HMGB3: variants seen among roughly 807,000 people sequenced by gnomAD.
HMGB3 encodes high mobility group protein B3.
In HMGB3, 1 loss-of-function variant was observed where a neutral mutation model predicts 12.9. The observed-to-expected ratio is 0.08, with a 90% CI of 0.03 to 0.37. The LOEUF (loss-of-function observed/expected upper bound fraction) is 0.37, where lower values mean the gene tolerates loss of function less well. Among genes scored for constraint, HMGB3 ranks in the 10% least tolerant of loss-of-function variants. The pLI is 0.99. For missense variants in HMGB3, 74 were observed against 153.3 expected (o/e 0.48, Z 2.73); for synonymous variants, 61 against 53.9 (o/e 1.13, Z -0.57).
Position 150,983,370 on chromosome X carries a change from A to G in HMGB3, c.-12A>G, listed in dbSNP as rs2048006080. The G allele has an allele frequency of 1.3e-5, 10 of 757,041 alleles. No individual in the cohort carries two copies. Among genetic ancestry groups the G allele is most frequent in the South Asian group, 6.4e-5 (1 of 15,595 alleles). The allele number at this position is 757,041 out of a possible 1,213,427, so 62.4% of individuals were successfully genotyped here. On this transcript the variant is annotated 5_prime_UTR_variant, in exon 1 of 5. Coordinates refer to ENST00000325307, the MANE Select transcript of HMGB3 (RefSeq NM_005342.4). ...CCCTGCGCTGCCCAGACTAGCGAAC[A>G]ATACAGGTACGTCTCGCACCGCCCG...
chrX:150,980,815 T>A (rs1389681180), upstream of HMGB3, among the ~76,000 whole-genome samples: 1 of 112,553 alleles, frequency 8.9e-6, no homozygotes, highest in Non-Finnish European at 1.9e-5. Context: ...TGCCCATACG[T>A]GAGTACGTGT....
chrX:150,986,012 C>A, intron 2 of HMGB3, 39 bp from the exon 3 acceptor site: 1 of 1,186,447 alleles, frequency 8.4e-7, no homozygotes, highest in South Asian at 1.9e-5. Context: ...GGTATGTGTT[C>A]ACTGCATCGA....
intron 1 of HMGB3, chrX:150,984,680 T>A: frequency 4.4e-6 from 2 of 454,851 alleles, no homozygotes; most frequent in Non-Finnish European, 5.5e-6. Context: ...GGCTGCCTGC[T>A]GCCGGCCGGG....
rs1345393358 is a variant in HMGB3, at chrX:150,986,810, AT to A, written c.291-310del. ...AGACATGCACCACCATGCCCGGCTAATTTTTTTTATATTTTTAGTAGAGACG... is the reference window on the plus strand; with the variant it reads ...AGACATGCACCACCATGCCCGGCTAATTTTTTTATATTTTTAGTAGAGACG... On this transcript the variant is annotated intron_variant, in intron 3 of 4. Transcript: ENST00000325307. Among the ~76,000 whole-genome samples the A allele has an allele frequency of 5.4e-5, 6 of 110,140 alleles. No homozygotes were observed. The South Asian group carries it at 2.3e-3, about 43-fold the overall frequency.
chrX:150,984,523 ACCGCCACCGCCG>A lies in HMGB3; in HGVS notation c.-5-1066_-5-1055del, dbSNP rs1263866234. The A allele has an allele frequency of 1.9e-5, 9 of 484,556 alleles. No individual in the cohort carries two copies. In the East Asian group the frequency reaches 1.6e-3, roughly 87 times the overall value. 39.9% of individuals were successfully genotyped at this position (484,556 alleles called of 1,213,427 possible). ...CGGCCCGGCCGCACACCCCCCGCGC[ACCGCCACCGCCG>A]CCGCCCCCGGCCCCGCGCGTCCCCC... On this transcript the variant is annotated intron_variant, in intron 1 of 4. Coordinates refer to ENST00000325307, the MANE Select transcript of HMGB3 (RefSeq NM_005342.4).
At chrX:150,983,448 CGCCGCA>C (rs2048010553) in intron 1 of HMGB3, 72 bp downstream of exon 1, 4 of 372,725 alleles carry the variant, frequency 1.1e-5, no homozygotes, top group Non-Finnish European at 1.3e-5. Flanking sequence ...CCGCCGCCGC[CGCCGCA>C]GCGCCCGCAC....
intron 1 of HMGB3, among the ~76,000 whole-genome samples, chrX:150,984,399 C>G (rs1239606623): frequency 7.0e-5 from 7 of 100,131 alleles, no homozygotes; most frequent in African/African-American, 2.5e-4. Context: ...TTGTTCGCCG[C>G]TGTCGCCGCC....
At chrX:150,987,750 A>T in intron 4 of HMGB3, 27 bp from the exon 5 acceptor site, 1 of 1,171,987 alleles carries the variant, frequency 8.5e-7, no homozygotes, top group African/African-American at 1.8e-5. Flanking sequence ...CCGCATACTC[A>T]TTTGAAATGT....
intron 1 of HMGB3, among the ~76,000 whole-genome samples, chrX:150,984,343 G>T (rs2048026773): frequency 1.0e-5 from 1 of 97,620 alleles, no homozygotes; most frequent in Admixed American, 1.0e-4. Flanking sequence ...GGGCGGGGCG[G>T]GGTGGGGGCC....
Position 150,988,893 on chromosome X carries a change from A to C in HMGB3, c.*979A>C, listed in dbSNP as rs2048084076. 8.9e-6 allele frequency: 1 copy of C among 111,737 alleles called. No homozygotes were observed. The highest frequency in any genetic ancestry group is 3.3e-5 in the African/African-American group (1 of 30,649). The allele number at this position is 111,737 out of a possible 1,213,427, so 9.2% of individuals were successfully genotyped here. A position where few individuals can be genotyped will look rare whatever the true frequency, so the allele number is the denominator to read the frequency against. On this transcript the variant is annotated 3_prime_UTR_variant, in exon 5 of 5. Transcript: ENST00000325307. ...TCTTTTATTACTCAGTGGCCAGCTCACTTAGGGCTGAGATGAAGGAGAGGG... is the reference window on the plus strand; with the variant it reads ...TCTTTTATTACTCAGTGGCCAGCTCCCTTAGGGCTGAGATGAAGGAGAGGG...
chrX:150,983,451 C>CGCA, intron 1 of HMGB3, 75 bp downstream of exon 1: 1 of 627,681 alleles, frequency 1.6e-6, no homozygotes, highest in Non-Finnish European at 1.9e-6. Context: ...CCGCCGCCGC[C>CGCA]GCAGCGCCCG....
At chrX:150,987,708 G>A in intron 4 of HMGB3, 69 bp from the exon 5 acceptor site, 4 of 839,869 alleles carry the variant, frequency 4.8e-6, no homozygotes, top group Non-Finnish European at 5.2e-6. Context: ...CCTGAGATGA[G>A]GACTGCATGT....
At chrX:150,981,018 G>C (rs1431717598), upstream of HMGB3, among the ~76,000 whole-genome samples, 1 of 111,667 alleles carries the variant, frequency 9.0e-6, no homozygotes, top group African/African-American at 3.3e-5. Flanking sequence ...ACCTTGAGAG[G>C]CTAGGGTGCT....
In HMGB3 at chrX:150,983,338, C is replaced by T; in HGVS notation, c.-44C>T. 2.6e-6 allele frequency: 2 copies of T among 754,924 alleles called. No individual in the cohort carries two copies. Among genetic ancestry groups the T allele is most frequent in the Non-Finnish European group, 3.1e-6 (2 of 639,546 alleles). 62.2% of individuals were successfully genotyped at this position (754,924 alleles called of 1,213,427 possible). A position where few individuals can be genotyped will look rare whatever the true frequency, so the allele number is the denominator to read the frequency against. ...CGAGGCTGGGGAGCGCTGAGCCGCG[C>T]GTCGTGCCCTGCGCTGCCCAGACTA... On this transcript the variant is annotated 5_prime_UTR_variant, in exon 1 of 5. Coordinates refer to ENST00000325307, the MANE Select transcript of HMGB3 (RefSeq NM_005342.4).
chrX:150,985,899 GTGCTTTTA>G (rs1213382570), intron 2 of HMGB3, 144 bp from the exon 3 acceptor site: 3 of 826,396 alleles, frequency 3.6e-6, no homozygotes, highest in Non-Finnish European at 5.2e-6. Flanking sequence ...TTTTGTGTGT[GTGCTTTTA>G]TTTTTTTAAG....
At chrX:150,983,591 G>A (rs2048012672) in intron 1 of HMGB3, 1 of 750,350 alleles carries the variant, frequency 1.3e-6, no homozygotes, top group Admixed American at 8.8e-5. Flanking sequence ...AAGCAATTCA[G>A]GTGTTTCAAC....
At chrX:150,984,472 G>A (rs1159646256) in intron 1 of HMGB3, 66 of 129,980 alleles carry the variant, frequency 5.1e-4, no homozygotes, top group African/African-American at 1.8e-3. Context: ...CGCGGCGGAC[G>A]CCGCCACCAG....
intron 2 of HMGB3, 115 bp from the exon 3 acceptor site, chrX:150,985,936 G>C: frequency 2.3e-6 from 2 of 879,380 alleles, no homozygotes; most frequent in Admixed American, 5.9e-5. Context: ...CAGGTTTCAG[G>C]CCTTTACCTA....
At chrX:150,986,306 T>C in intron 3 of HMGB3, 116 bp downstream of exon 3, 1 of 596,085 alleles carries the variant, frequency 1.7e-6, no homozygotes, top group Non-Finnish European at 2.5e-6. Context: ...AAAAGATACT[T>C]AAAAGATGGC....
Sources: allele counts gnomAD v4.1 joint callset (sites outside exome capture counted in the v4.1 genomes callset), GRCh38; gene constraint gnomAD v4.1.1; transcripts MANE v1.5; gene names NCBI Gene and HGNC (gene_info 2026-07-23, HGNC 2026-07-21).